Variants in RAD51B observed in about 807,000 individuals in gnomAD.
The protein encoded by RAD51B is DNA repair protein RAD51 homolog 2.
Under a neutral mutation model 42.2 loss-of-function variants are expected in RAD51B, and 38 were observed. That is an observed-to-expected ratio of 0.90 (90% CI 0.70 to 1.18). The LOEUF (loss-of-function observed/expected upper bound fraction) is 1.18. Among genes scored for constraint, RAD51B ranks in the 50% most tolerant of loss-of-function variants. RAD51B has a pLI of 0.00. For missense variants in RAD51B, 373 were observed against 400.7 expected, an observed-to-expected ratio of 0.93 and a Z score of 0.59; for synonymous variants, 154 against 145.2, an observed-to-expected ratio of 1.06 and a Z score of -0.43.
At chr14:68,342,403 G>T (rs565067470) in intron 8 of RAD51B, among the ~76,000 whole-genome samples, 1 of 152,324 alleles carries the variant, frequency 6.6e-6, no homozygotes, top group Non-Finnish European at 1.5e-5. Flanking sequence ...CTTAGGGAAA[G>T]TGGAATGGCT....
At chr14:68,257,433 G>T (rs1380131180) in intron 7 of RAD51B, among the ~76,000 whole-genome samples, 1 of 152,006 alleles carries the variant, frequency 6.6e-6, no homozygotes, top group Non-Finnish European at 1.5e-5. Flanking sequence ...ACCATTATTT[G>T]TAAAGGGAAA....
chr14:68,613,670 G>A (rs189504480), downstream of RAD51B, among the ~76,000 whole-genome samples: 317 of 151,982 alleles, frequency 2.1e-3, no homozygotes, highest in African/African-American at 7.1e-3. Flanking sequence ...TAGCCAGGAT[G>A]GTCTCGATCT....
intron 7 of RAD51B, among the ~76,000 whole-genome samples, chr14:68,001,399 C>CT (rs2075480213): frequency 6.6e-6 from 1 of 151,764 alleles, no homozygotes; most frequent in African/African-American, 2.4e-5. Context: ...TTGGTGGAAG[C>CT]TTTTTTCTTA....
At chr14:68,154,399 T>C (rs1213455032) in intron 7 of RAD51B, among the ~76,000 whole-genome samples, 1 of 152,216 alleles carries the variant, frequency 6.6e-6, no homozygotes, top group Non-Finnish European at 1.5e-5. Context: ...AAATAGGCAT[T>C]ATTCTTGGTC....
chr14:68,150,648 A>G (rs1331124495), intron 7 of RAD51B, among the ~76,000 whole-genome samples: 1 of 152,138 alleles, frequency 6.6e-6, no homozygotes, highest in Admixed American at 6.5e-5. Context: ...CAATTGACTT[A>G]TGTACATTAA....
intron 11 of RAD51B, among the ~76,000 whole-genome samples, chr14:68,682,688 C>T (rs1009189654): frequency 2.0e-5 from 3 of 152,064 alleles, no homozygotes; most frequent in Non-Finnish European, 2.9e-5. Flanking sequence ...CCCCTTCCCC[C>T]GCCCTCCCCG....
chr14:68,640,620 G>T (rs986503417), intron 10 of RAD51B, among the ~76,000 whole-genome samples: 1 of 152,216 alleles, frequency 6.6e-6, no homozygotes, highest in Non-Finnish European at 1.5e-5. Context: ...CATGATAAAT[G>T]CAATGATAGT....
At chr14:67,953,625 TGA>T in intron 7 of RAD51B, among the ~76,000 whole-genome samples, 1 of 152,024 alleles carries the variant, frequency 6.6e-6, no homozygotes, top group African/African-American at 2.4e-5. Context: ...GAGGCCCAGG[TGA>T]GAGAGAATAA....
At chr14:68,117,883 C>T (rs568675378) in intron 7 of RAD51B, among the ~76,000 whole-genome samples, 3 of 152,292 alleles carry the variant, frequency 2.0e-5, no homozygotes, top group East Asian at 3.9e-4. Flanking sequence ...TAGAACTTGT[C>T]CTTTCGAATT....
At position 68,291,994 on chromosome 14, in the gene RAD51B, C is replaced by A; in HGVS notation, c.853+14C>A. On this transcript the variant is annotated intron_variant, in intron 8 of 10. Coordinates refer to ENST00000471583, the MANE Select transcript of RAD51B (RefSeq NM_133510.4). ...CCCTGTCTGAAGGTAAGGAATCTGT[C>A]CTGGAGAGGCTGAAACTTGACACTG... 6.3e-7 allele frequency: 1 copy of A among 1,596,208 alleles called. No individual in the cohort carries two copies. Among genetic ancestry groups the A allele is most frequent in the Non-Finnish European group, 8.6e-7 (1 of 1,163,918 alleles).
intron 11 of RAD51B, among the ~76,000 whole-genome samples, chr14:68,670,877 C>T (rs962724393): frequency 4.6e-5 from 7 of 152,208 alleles, no homozygotes; most frequent in Admixed American, 1.3e-4. Flanking sequence ...ATCTCCTGCT[C>T]ATCTCTGCTG....
At position 68,049,374 on chromosome 14, in the gene RAD51B, G is replaced by T. The variant is rs150666200; in HGVS notation, c.756+162170G>T. On this transcript the variant is annotated intron_variant, in intron 7 of 10. Coordinates refer to ENST00000471583, the MANE Select transcript of RAD51B (RefSeq NM_133510.4). ...AGTATAATAAAATATATATACATAT[G>T]TATAAAGTAATAGAAATGAGTCCAG... 9.3e-3 allele frequency among the ~76,000 whole-genome samples: 1,415 copies of T among 152,208 alleles called. 21 individuals are homozygous for T. Among genetic ancestry groups the T allele is most frequent in the African/African-American group, 0.032 (1,346 of 41,512 alleles).
intron 10 of RAD51B, among the ~76,000 whole-genome samples, chr14:68,495,698 A>G (rs1884460967): frequency 6.6e-6 from 1 of 152,174 alleles, no homozygotes; most frequent in Non-Finnish European, 1.5e-5. Flanking sequence ...GCTCAAGGGA[A>G]CCAGGAGAAT....
In RAD51B at chr14:68,565,080, A is replaced by G. The variant is rs1204391368; in HGVS notation, c.1037-29405A>G. ...GCATAAAAACACAATAGTGACAGGA[A>G]AAATACACACACACACATACACACA... is the stretch of plus-strand genomic sequence containing the variant. On this transcript the variant is annotated intron_variant, in intron 10 of 10. Coordinates refer to the RAD51B transcript ENST00000487270. This position sits in a 1 kb window ranked among gnomAD's most constrained non-coding sequence, Gnocchi z 4.1. 1.3e-5 allele frequency among the ~76,000 whole-genome samples: 2 copies of G among 152,312 alleles called. No individual in the cohort carries two copies. Among genetic ancestry groups the G allele is most frequent in the East Asian group, 1.9e-4 (1 of 5,186 alleles).
At chr14:68,315,898 T>C (rs1409441763) in intron 8 of RAD51B, among the ~76,000 whole-genome samples, 1 of 152,204 alleles carries the variant, frequency 6.6e-6, no homozygotes, top group Non-Finnish European at 1.5e-5. Context: ...CCCCCAGAGT[T>C]TGAAGAAATG....
intron 7 of RAD51B, among the ~76,000 whole-genome samples, chr14:68,160,191 G>T (rs1199392277): frequency 2.0e-5 from 3 of 152,168 alleles, no homozygotes; most frequent in East Asian, 3.8e-4. Flanking sequence ...GACATCAAAA[G>T]AAATCCATTT....
chr14:67,963,235 AT>A (rs2074705897), intron 7 of RAD51B, among the ~76,000 whole-genome samples: 1 of 152,046 alleles, frequency 6.6e-6, no homozygotes, highest in African/African-American at 2.4e-5. Context: ...TAGAATTGAT[AT>A]TTTTTATTTT....
intron 7 of RAD51B, among the ~76,000 whole-genome samples, chr14:68,212,689 A>G (rs1333718808): frequency 6.6e-6 from 1 of 152,242 alleles, no homozygotes; most frequent in East Asian, 1.9e-4. Flanking sequence ...AATGGAGTGA[A>G]GAAGAAGACA....
intron 2 of RAD51B, 139 bp from the exon 3 acceptor site, chr14:67,825,325 T>C: frequency 1.8e-6 from 1 of 551,772 alleles, no homozygotes; most frequent in East Asian, 3.2e-5. Context: ...GGGAAAATAC[T>C]ACAATGAATG....
Sources: gnomAD v4.1 joint callset for allele counts (sites outside exome capture counted in the v4.1 genomes callset) on GRCh38, gnomAD v4.1.1 for gene constraint, Gnocchi (gnomAD v3.1) non-coding constraint, MANE v1.5 for transcripts, NCBI Gene and HGNC (gene_info 2026-07-23, HGNC 2026-07-21) for gene names.